Variants in SEPHS1 observed in about 807,000 individuals in gnomAD.
SEPHS1 encodes the protein selenophosphate synthetase 1, also known as zincore component SEPHS1.
A neutral mutation model predicts 39.2 loss-of-function variants in SEPHS1; 7 were observed. The ratio of observed to expected loss-of-function variants is 0.18; its 90% CI spans 0.10 to 0.34. The LOEUF (loss-of-function observed/expected upper bound fraction) is 0.34. Among genes scored for constraint, SEPHS1 ranks in the 10% least tolerant of loss-of-function variants. The pLI is 1.00. For missense variants in SEPHS1, 253 were observed against 514.5 expected, an observed-to-expected ratio of 0.49 and a Z score of 4.92; for synonymous variants, 190 against 195.5, an observed-to-expected ratio of 0.97 and a Z score of 0.23.
Position 13,327,973 on chromosome 10 carries a change from G to A in SEPHS1, c.751+378C>T, listed in dbSNP as rs892686625. Among the ~76,000 whole-genome samples the A allele has an allele frequency of 3.3e-5, 5 of 152,172 alleles. No individual in the cohort carries two copies. The South Asian group carries it at 8.3e-4, about 25-fold the overall frequency. On this transcript the variant is annotated intron_variant, in intron 7 of 8. Coordinates refer to ENST00000327347, the MANE Select transcript of SEPHS1 (RefSeq NM_012247.5). Reference sequence around the variant, plus strand: ...TGGTTACACCTAAGCAGGAATGCAGGGGATGGGTGGGAGTGGGGGCACTTC... The same window carrying A: ...TGGTTACACCTAAGCAGGAATGCAGAGGATGGGTGGGAGTGGGGGCACTTC...
At chr10:13,332,717 C>A (rs1425512489) in intron 5 of SEPHS1, among the ~76,000 whole-genome samples, 1 of 151,840 alleles carries the variant, frequency 6.6e-6, no homozygotes, top group Non-Finnish European at 1.5e-5. Flanking sequence ...GTGGCAGGTG[C>A]CTGTAGTCCC....
At chr10:13,331,199 GTGTA>G (rs1412888541) in intron 5 of SEPHS1, among the ~76,000 whole-genome samples, 1 of 152,168 alleles carries the variant, frequency 6.6e-6, no homozygotes, top group Non-Finnish European at 1.5e-5. Flanking sequence ...ATTCCACGGT[GTGTA>G]TGTGCCACAT....
intron 2 of SEPHS1, among the ~76,000 whole-genome samples, chr10:13,343,873 GA>G (rs1265080021): frequency 6.6e-6 from 1 of 152,048 alleles, no homozygotes; most frequent in Non-Finnish European, 1.5e-5. Context: ...CCAAACCTCC[GA>G]AACTATGCGT....
chr10:13,347,704 A>G (rs1833968764), intron 1 of SEPHS1, among the ~76,000 whole-genome samples: 1 of 143,624 alleles, frequency 7.0e-6, no homozygotes, highest in African/African-American at 2.5e-5. Flanking sequence ...GCGGGCGAAA[A>G]AATTAACCCC....
chr10:13,322,783 G>A, intron 8 of SEPHS1, 52 bp downstream of exon 8: 2 of 1,553,108 alleles, frequency 1.3e-6, no homozygotes, highest in Non-Finnish European at 1.8e-6. Context: ...TTCTCGCTGA[G>A]CTTTCTGTTA....
chr10:13,344,431 G>C (rs1184584008), intron 2 of SEPHS1, among the ~76,000 whole-genome samples: 3 of 152,010 alleles, frequency 2.0e-5, no homozygotes, highest in Non-Finnish European at 2.9e-5. Context: ...TACCCCTCTT[G>C]ATGCGTTTCA....
intron 4 of SEPHS1, among the ~76,000 whole-genome samples, chr10:13,334,686 C>T (rs1238777837): frequency 6.6e-6 from 1 of 152,208 alleles, no homozygotes; most frequent in Non-Finnish European, 1.5e-5. Context: ...GCACTCCAAC[C>T]TGGGCAACAC....
At chr10:13,337,802 G>A (rs1390297320) in intron 3 of SEPHS1, among the ~76,000 whole-genome samples, 2 of 152,184 alleles carry the variant, frequency 1.3e-5, no homozygotes, top group East Asian at 3.8e-4. Context: ...CAAGAGTATT[G>A]CTCCAGAGGA....
chr10:13,347,539 G>A (rs920273214), intron 1 of SEPHS1, among the ~76,000 whole-genome samples: 24 of 146,844 alleles, frequency 1.6e-4, no homozygotes, highest in Non-Finnish European at 1.5e-5. Context: ...TGCGGCCCAG[G>A]AGCCGGGGAG....
intron 8 of SEPHS1, among the ~76,000 whole-genome samples, chr10:13,320,433 G>A (rs1223773922): frequency 6.6e-6 from 1 of 151,748 alleles, no homozygotes; most frequent in Non-Finnish European, 1.5e-5. Flanking sequence ...CACCCGCCTT[G>A]GCCTCCCAAA....
chr10:13,329,358 T>C (rs1323931980), intron 6 of SEPHS1, among the ~76,000 whole-genome samples: 2 of 152,194 alleles, frequency 1.3e-5, no homozygotes, highest in Non-Finnish European at 2.9e-5. Context: ...ACACTACGCC[T>C]TCCACCAATT....
intron 5 of SEPHS1, 107 bp from the exon 6 acceptor site, chr10:13,329,895 C>A: frequency 4.1e-6 from 4 of 980,382 alleles, no homozygotes; most frequent in Non-Finnish European, 6.2e-6. Flanking sequence ...TCTGCCTTTG[C>A]ATTTACTTAA....
intron 3 of SEPHS1, among the ~76,000 whole-genome samples, chr10:13,337,018 G>A (rs1311280782): frequency 1.3e-5 from 2 of 152,188 alleles, no homozygotes; most frequent in Non-Finnish European, 2.9e-5. Context: ...GGGCATGGTG[G>A]TGCACACCTG....
At chr10:13,334,034 G>A in intron 4 of SEPHS1, 63 bp from the exon 5 acceptor site, 1 of 1,391,802 alleles carries the variant, frequency 7.2e-7, no homozygotes, top group South Asian at 1.3e-5. Flanking sequence ...AGAAAAGAAG[G>A]TTTTTACACT....
chr10:13,340,676 A>G (rs1833755048), intron 2 of SEPHS1: 1 of 152,266 alleles, frequency 6.6e-6, no homozygotes, highest in African/African-American at 2.4e-5. Flanking sequence ...ATAATCTTAA[A>G]TTTGAATTAC....
At chr10:13,322,785 T>C (rs1833153870) in intron 8 of SEPHS1, 50 bp downstream of exon 8, 1 of 1,561,448 alleles carries the variant, frequency 6.4e-7, no homozygotes, top group Non-Finnish European at 8.8e-7. Context: ...CTCGCTGAGC[T>C]TTCTGTTAGC....
chr10:13,319,104 T>C lies in SEPHS1; in HGVS notation c.*38A>G. ...ATTGAAGTGATAAGGGAAATAGATC[T>C]ATTTAAAAACAAAACCAAACAGCTA... On this transcript the variant is annotated 3_prime_UTR_variant, in exon 9 of 9. Transcript: ENST00000327347. 6.3e-7 allele frequency: 1 copy of C among 1,582,876 alleles called. No homozygotes were observed. Among genetic ancestry groups the C allele is most frequent in the South Asian group, 1.1e-5 (1 of 89,274 alleles).
At chr10:13,333,736 G>T in intron 5 of SEPHS1, 81 bp downstream of exon 5, 1 of 1,451,194 alleles carries the variant, frequency 6.9e-7, no homozygotes, top group Non-Finnish European at 9.5e-7. Flanking sequence ...CACTGCACCT[G>T]ACCTTAATAC....
At chr10:13,334,034 GT>G in intron 4 of SEPHS1, 63 bp from the exon 5 acceptor site, 3 of 1,391,802 alleles carry the variant, frequency 2.2e-6, no homozygotes, top group Non-Finnish European at 3.0e-6. Context: ...AGAAAAGAAG[GT>G]TTTTACACTT....
Sources: allele counts gnomAD v4.1 joint callset (sites outside exome capture counted in the v4.1 genomes callset), GRCh38; gene constraint gnomAD v4.1.1; transcripts MANE v1.5; gene names NCBI Gene and HGNC (gene_info 2026-07-23, HGNC 2026-07-21).